The following ANKRD36 variants were observed in gnomAD, a reference collection of about 807,000 sequenced individuals.
ANKRD36 encodes ankyrin repeat domain 36.
ANKRD36 carries 179 observed loss-of-function variants against 278.1 expected under a neutral mutation model. That is an observed-to-expected ratio of 0.64 (90% CI 0.57 to 0.73). The LOEUF is 0.73. Ranked by LOEUF, ANKRD36 falls within the 30% of genes least tolerant of loss-of-function variation. ANKRD36 has a pLI of 0.00. For synonymous variants in ANKRD36, 320 were observed against 641.1 expected (o/e 0.50, Z 7.57); for missense variants, 1,159 against 1,956.7 (o/e 0.59, Z 7.69).
chr2:97,175,817 A>G (rs1345243044), intron 22 of ANKRD36, among the ~76,000 whole-genome samples: 4 of 150,730 alleles, frequency 2.7e-5, no homozygotes, highest in African/African-American at 9.8e-5. Context: ...AGATTCTGGT[A>G]TGTTGTGTCT....
At chr2:97,174,109 A>T (rs933601311) in intron 22 of ANKRD36, among the ~76,000 whole-genome samples, 13 of 151,352 alleles carry the variant, frequency 8.6e-5, no homozygotes, top group African/African-American at 3.1e-4. Flanking sequence ...AGTGATTTAG[A>T]AACTTTGTTT....
intron 36 of ANKRD36, among the ~76,000 whole-genome samples, chr2:97,192,077 G>A (rs1470321638): frequency 6.6e-6 from 1 of 151,696 alleles, no homozygotes; most frequent in Non-Finnish European, 1.5e-5. Context: ...ATGGATATTG[G>A]AATGATTTCT....
intron 42 of ANKRD36, among the ~76,000 whole-genome samples, chr2:97,197,411 A>G (rs2060079332): frequency 1.3e-5 from 2 of 151,946 alleles, no homozygotes. Context: ...CCATTCTGGG[A>G]TTGGCATAAA....
chr2:97,184,408 C>T (rs976515596), intron 28 of ANKRD36, among the ~76,000 whole-genome samples: 2 of 151,478 alleles, frequency 1.3e-5, no homozygotes, highest in African/African-American at 4.8e-5. Context: ...TTCCAAAGTG[C>T]TGGCTTTTTC....
chr2:97,136,579 T>C (rs2041572174), intron 6 of ANKRD36, among the ~76,000 whole-genome samples: 2 of 151,726 alleles, frequency 1.3e-5, no homozygotes, highest in African/African-American at 4.8e-5. Flanking sequence ...AATCCCCAAG[T>C]AGGTAGTGCC....
At chr2:97,125,155 C>T (rs991439169) in intron 5 of ANKRD36, among the ~76,000 whole-genome samples, 1 of 151,382 alleles carries the variant, frequency 6.6e-6, no homozygotes, top group Non-Finnish European at 1.5e-5. Context: ...GCTTTCTTAC[C>T]ATTGAAAGTA....
chr2:97,229,278 C>G (rs2071059274), intron 67 of ANKRD36, among the ~76,000 whole-genome samples: 1 of 151,590 alleles, frequency 6.6e-6, no homozygotes, highest in Non-Finnish European at 1.5e-5. Flanking sequence ...GTCTAAGTCT[C>G]TTTGTAGGTC....
At chr2:97,211,349 A>G (rs1484343408) in intron 56 of ANKRD36, among the ~76,000 whole-genome samples, 197 bp from the exon 57 acceptor site, 3 of 151,870 alleles carry the variant, frequency 2.0e-5, no homozygotes, top group Non-Finnish European at 2.9e-5. Context: ...AATTGTAAGG[A>G]TATATTTCAT....
At position 97,209,721 on chromosome 2, in the gene ANKRD36, C is replaced by T; in HGVS notation, c.3294+12C>T. The T allele has an allele frequency of 6.3e-7, 1 of 1,583,808 alleles. No homozygotes were observed. Among genetic ancestry groups the T allele is most frequent in the Non-Finnish European group, 8.6e-7 (1 of 1,167,224 alleles). On this transcript the variant is annotated intron_variant, in intron 55 of 75. Transcript: ENST00000420699. ...AACCAGCCTTGAAGGTAATGAAACTCTCATTCATATTGTGAGCTAGTAAAC... is the reference window on the plus strand; with the variant it reads ...AACCAGCCTTGAAGGTAATGAAACTTTCATTCATATTGTGAGCTAGTAAAC...
At chr2:97,197,763 T>C (rs1440865682) in intron 42 of ANKRD36, among the ~76,000 whole-genome samples, 9 of 151,944 alleles carry the variant, frequency 5.9e-5, no homozygotes, top group Non-Finnish European at 1.2e-4. Context: ...AAATTGATAA[T>C]TGATGATATT....
rs577951533 is a variant in ANKRD36 at position 97,135,253 on chromosome 2, T to C, written c.800-7387T>C. On this transcript the variant is annotated intron_variant, in intron 6 of 75. Coordinates refer to ENST00000420699, the MANE Select transcript of ANKRD36 (RefSeq NM_001354587.1). ...AAGTACAGTAATTTCCTCTTACACA[T>C]GGGGGATACATTTCAAGACCCTTAG... Among the ~76,000 whole-genome samples, 521 of 151,918 alleles carry C rather than the reference T, an allele frequency of 3.4e-3. 7 individuals are homozygous for C. Among genetic ancestry groups the C allele is most frequent in the Middle Eastern group, 0.02 (6 of 294 alleles).
At chr2:97,144,617 A>G (rs749818744) in intron 9 of ANKRD36, 23 bp from the exon 10 acceptor site, 59 of 1,550,512 alleles carry the variant, frequency 3.8e-5, no homozygotes, top group Non-Finnish European at 4.7e-5. Flanking sequence ...GGTATTGATT[A>G]TTTTGTTTGA....
At chr2:97,260,347 G>GATATATATATATATATATAT (rs71218080) in intron 75 of ANKRD36, among the ~76,000 whole-genome samples, 2 of 117,646 alleles carry the variant, frequency 1.7e-5, no homozygotes, top group African/African-American at 3.2e-5. Flanking sequence ...TATTTTAAAA[G>GATATATATATATATATATAT]ATATATATAT....
chr2:97,199,357 G>T (rs1261966373), intron 44 of ANKRD36, among the ~76,000 whole-genome samples: 1 of 151,880 alleles, frequency 6.6e-6, no homozygotes, highest in Non-Finnish European at 1.5e-5. Flanking sequence ...GTTGATTTTA[G>T]TTATAAAAAT....
chr2:97,153,690 A>G (rs891034969), intron 14 of ANKRD36, among the ~76,000 whole-genome samples: 1 of 147,046 alleles, frequency 6.8e-6, no homozygotes, highest in Non-Finnish European at 1.5e-5. Flanking sequence ...TAGTGAACAC[A>G]GTGGAAGAGG....
chr2:97,214,849 CT>C (rs199713053), intron 60 of ANKRD36, among the ~76,000 whole-genome samples: 7,825 of 150,108 alleles, frequency 0.052, no homozygotes, highest in African/African-American at 0.15. Context: ...AATTGTGTAC[CT>C]TCTCAGTTAT....
intron 66 of ANKRD36, among the ~76,000 whole-genome samples, chr2:97,220,089 T>C (rs981761908): frequency 6.8e-5 from 9 of 132,016 alleles, no homozygotes; most frequent in Non-Finnish European, 1.4e-4. Flanking sequence ...GTGTGTGTTT[T>C]ATTTTTTTGT....
At chr2:97,207,735 G>A in intron 52 of ANKRD36, 76 bp from the exon 53 acceptor site, 1 of 1,536,960 alleles carries the variant, frequency 6.5e-7, no homozygotes, top group Non-Finnish European at 8.8e-7. Flanking sequence ...AGAGGTTGAT[G>A]CTAACACTGT....
intron 22 of ANKRD36, among the ~76,000 whole-genome samples, chr2:97,171,005 C>A (rs1447509502): frequency 4.0e-5 from 6 of 151,596 alleles, no homozygotes; most frequent in Admixed American, 1.3e-4. Flanking sequence ...TGTGAGATAC[C>A]ATCTCACACC....
Sources: gnomAD v4.1 joint callset for allele counts (sites outside exome capture counted in the v4.1 genomes callset) on GRCh38, gnomAD v4.1.1 for gene constraint, MANE v1.5 for transcripts, NCBI Gene and HGNC (gene_info 2026-07-23, HGNC 2026-07-21) for gene names.